The following TOX variants were observed in gnomAD, a reference collection of about 807,000 sequenced individuals.
The protein encoded by TOX is thymocyte selection-associated high mobility group box protein TOX.
In TOX, 11 loss-of-function variants were observed where a neutral mutation model predicts 53.7. The observed-to-expected ratio is 0.20, with a 90% CI of 0.13 to 0.34. The LOEUF (loss-of-function observed/expected upper bound fraction) is 0.34. Ranked by LOEUF, TOX falls within the 10% of genes least tolerant of loss-of-function variation. The pLI is 1.00. For synonymous variants in TOX, 225 were observed against 245.3 expected (o/e 0.92, Z 0.77); for missense variants, 570 against 664.6 (o/e 0.86, Z 1.56).
intron 7 of TOX, among the ~76,000 whole-genome samples, chr8:58,813,125 A>G (rs1017284631): frequency 3.9e-5 from 6 of 152,238 alleles, no homozygotes; most frequent in South Asian, 2.1e-4. Flanking sequence ...AACTTGTCCA[A>G]TGTAATCTGT....
intron 3 of TOX, among the ~76,000 whole-genome samples, chr8:58,890,541 T>G (rs542974412): frequency 6.6e-6 from 1 of 152,188 alleles, no homozygotes; most frequent in South Asian, 2.1e-4. Flanking sequence ...CAATAAAGGC[T>G]GAATAAGGTG....
intron 7 of TOX, among the ~76,000 whole-genome samples, chr8:58,810,300 AGCT>A (rs1810056138): frequency 6.6e-6 from 1 of 150,882 alleles, no homozygotes; most frequent in Non-Finnish European, 1.5e-5. Flanking sequence ...CATTGTAGCC[AGCT>A]GCTATCTTTT....
Position 58,959,984 on chromosome 8 carries a change from T to C in TOX, c.127A>G (p.Ser43Gly). The change falls in exon 2 of 9, where the codon AGC becomes GGC. Residue 43 changes from serine (S) to glycine (G), a missense_variant. Physicochemically the swap from Ser to Gly is moderately conservative, Grantham distance 56 (BLOSUM62 0). Transcript: ENST00000361421. The stretch of plus-strand genomic sequence containing the variant: ...TAGTCCTGGCTCGGCTCTGTCATGC[T>C]CATATACATGTTCTCACCGTCAAAC... Reference protein sequence around the residue: ...NKFDGENMYMSMTEPSQDYVP... With the variant: ...NKFDGENMYMGMTEPSQDYVP... 3 of 1,614,196 alleles carry C rather than the reference T, an allele frequency of 1.9e-6. No homozygotes were observed. The highest frequency in any genetic ancestry group is 2.5e-6 in the Non-Finnish European group (3 of 1,180,026).
intron 3 of TOX, among the ~76,000 whole-genome samples, chr8:58,875,526 ACTCC>A (rs1326987003): frequency 6.6e-6 from 1 of 152,096 alleles, no homozygotes; most frequent in Non-Finnish European, 1.5e-5. Context: ...CAGAAAAGTG[ACTCC>A]CTCTTAGAAT....
intron 1 of TOX, among the ~76,000 whole-genome samples, chr8:59,109,378 T>C (rs1804972672): frequency 6.6e-6 from 1 of 152,148 alleles, no homozygotes; most frequent in Non-Finnish European, 1.5e-5. Flanking sequence ...ATCACACAAG[T>C]AGCTTGGAGT....
chr8:58,950,315 A>G (rs1812600895), intron 2 of TOX, among the ~76,000 whole-genome samples: 6 of 152,202 alleles, frequency 3.9e-5, no homozygotes, highest in Admixed American at 3.9e-4. Flanking sequence ...TCTTGAGTAG[A>G]AATCAACAAA....
Position 58,851,463 on chromosome 8 carries a change from C to A in TOX, c.693+61G>T. On this transcript the variant is annotated intron_variant, in intron 4 of 8. Transcript: ENST00000361421. The surrounding 1 kb of genome is among the most constrained non-coding windows in gnomAD (Gnocchi z 4.4). ...GGATGATATAAACTTGTACCCAGCA[C>A]AGGTCAAAGAAGGTGCCTAAGAATA... 1.3e-6 allele frequency: 2 copies of A among 1,571,022 alleles called. No individual in the cohort carries two copies. Among genetic ancestry groups the A allele is most frequent in the Non-Finnish European group, 8.7e-7 (1 of 1,150,652 alleles).
chr8:58,881,819 A>G (rs976658959), intron 3 of TOX, among the ~76,000 whole-genome samples: 2 of 152,038 alleles, frequency 1.3e-5, no homozygotes, highest in Non-Finnish European at 2.9e-5. Context: ...TCAGGAGTAT[A>G]CTAAGGGTAT....
At chr8:58,974,636 T>C (rs913590059) in intron 1 of TOX, among the ~76,000 whole-genome samples, 14 of 151,878 alleles carry the variant, frequency 9.2e-5, no homozygotes, top group African/African-American at 3.4e-4. Flanking sequence ...ATACACTGTA[T>C]TACACAAACT....
rs955199811 is a variant in TOX at position 58,908,730 on chromosome 8, C to A, written c.411+30572G>T. Among the ~76,000 whole-genome samples, 5 of 152,234 alleles carry A rather than the reference C, an allele frequency of 3.3e-5. No homozygotes were observed. The South Asian group carries it at 1.0e-3, about 32-fold the overall frequency. ...TCACAAGAGCCAATGTCTAGCTTAG[C>A]CCCTGGAACACACAAGACAATATAT... On this transcript the variant is annotated intron_variant, in intron 3 of 8. Coordinates refer to ENST00000361421, the MANE Select transcript of TOX (RefSeq NM_014729.3).
intron 7 of TOX, 141 bp from the exon 8 acceptor site, chr8:58,808,410 G>GA (rs1340062902): frequency 1.9e-6 from 2 of 1,059,522 alleles, no homozygotes; most frequent in Admixed American, 3.5e-5. Flanking sequence ...GAAGAGCCCA[G>GA]AAAATTTAAA....
intron 3 of TOX, among the ~76,000 whole-genome samples, chr8:58,920,956 T>A (rs1812063028): frequency 6.6e-6 from 1 of 152,178 alleles, no homozygotes; most frequent in South Asian, 2.1e-4. Context: ...ATTGTGAAGA[T>A]TCCTGTAAAT....
Position 59,107,051 on chromosome 8 carries a change from G to GC in TOX, c.102+11834_102+11835insG, listed in dbSNP as rs1179506606. Among the ~76,000 whole-genome samples, 14 of 130,930 alleles carry GC rather than the reference G, an allele frequency of 1.1e-4. 3 individuals are homozygous for GC. The highest frequency in any genetic ancestry group is 2.7e-4 in the South Asian group (1 of 3,766). 85.9% of individuals were successfully genotyped at this position (130,930 alleles called of 152,430 possible). A position where few individuals can be genotyped will look rare whatever the true frequency, so the allele number is the denominator to read the frequency against. ...GATCTTATAAAGCAGTTTGCTGGGG[G>GC]GGGGGGGAACGTGACATTTCTAATT... On this transcript the variant is annotated intron_variant, in intron 1 of 8. Transcript: ENST00000361421.
At chr8:58,882,993 C>A (rs1012259563) in intron 3 of TOX, among the ~76,000 whole-genome samples, 1 of 152,174 alleles carries the variant, frequency 6.6e-6, no homozygotes, top group African/African-American at 2.4e-5. Flanking sequence ...TGAATAAAGG[C>A]AAACCATAGA....
chr8:58,975,271 CAGAG>C (rs373607496), intron 1 of TOX, among the ~76,000 whole-genome samples: 18 of 148,936 alleles, frequency 1.2e-4, no homozygotes, highest in South Asian at 1.1e-3. Flanking sequence ...CACCCCCACA[CAGAG>C]AGAGAGAGAG....
intron 7 of TOX, among the ~76,000 whole-genome samples, chr8:58,810,718 G>C (rs1479223293): frequency 6.6e-6 from 1 of 152,054 alleles, no homozygotes; most frequent in Non-Finnish European, 1.5e-5. Context: ...CAAAAAAGAA[G>C]TAGTCGAGAA....
chr8:59,087,668 T>C (rs1020318193), intron 1 of TOX, among the ~76,000 whole-genome samples: 1 of 152,188 alleles, frequency 6.6e-6, no homozygotes, highest in African/African-American at 2.4e-5. Flanking sequence ...TTACTCAATC[T>C]TTCAGGGTAA....
intron 3 of TOX, among the ~76,000 whole-genome samples, chr8:58,870,186 T>TA (rs1337821695): frequency 1.3e-5 from 2 of 151,774 alleles, no homozygotes; most frequent in Non-Finnish European, 2.9e-5. Context: ...CCCAAAGAAT[T>TA]AAAAAAAATC....
In TOX at chr8:59,118,586, CTTA is replaced by C. The variant is rs925889481; in HGVS notation, c.102+297_102+299del. Among the ~76,000 whole-genome samples, 11 of 152,178 alleles carry C rather than the reference CTTA, an allele frequency of 7.2e-5. No homozygotes were observed. The highest frequency in any genetic ancestry group is 1.0e-4 in the Non-Finnish European group (7 of 68,024). ...CCCCCAAAGTATTCCACGGTTTTCT[CTTA>C]TTATTTTTTTAAACGCCCCCCGGCA... On this transcript the variant is annotated intron_variant, in intron 1 of 8. Transcript: ENST00000361421. The surrounding 1 kb of genome is among the most constrained non-coding windows in gnomAD (Gnocchi z 4.1).
Sources: allele counts gnomAD v4.1 joint callset (sites outside exome capture counted in the v4.1 genomes callset), GRCh38; gene constraint gnomAD v4.1.1; non-coding constraint Gnocchi (gnomAD v3.1); transcripts MANE v1.5; gene names NCBI Gene and HGNC (gene_info 2026-07-23, HGNC 2026-07-21).